CRPPA: variants seen among roughly 807,000 people sequenced by gnomAD.
CRPPA encodes CDP-L-ribitol pyrophosphorylase A, also known as D-ribitol-5-phosphate cytidylyltransferase.
A neutral mutation model predicts 52.0 loss-of-function variants in CRPPA; 43 were observed. The observed-to-expected ratio is 0.83, with a 90% confidence interval of 0.65 to 1.07. The LOEUF is 1.07. Ranked by LOEUF, CRPPA falls within the 50% of genes least tolerant of loss-of-function variation. The pLI, the probability that CRPPA is intolerant of heterozygous loss-of-function variation, is 0.00. For missense variants in CRPPA, 629 were observed against 551.7 expected (o/e 1.14, Z -1.40); for synonymous variants, 250 against 203.5 (o/e 1.23, Z -1.94).
chr7:16,124,418 T>C (rs1232867548), intron 9 of CRPPA, among the ~76,000 whole-genome samples: 3 of 152,178 alleles, frequency 2.0e-5, no homozygotes, highest in Non-Finnish European at 4.4e-5. Flanking sequence ...AGAATGAAAT[T>C]CTGTCACTTG....
chr7:16,295,157 G>A (rs1292631342), intron 5 of CRPPA, among the ~76,000 whole-genome samples: 9 of 151,846 alleles, frequency 5.9e-5, no homozygotes, highest in Non-Finnish European at 7.4e-5. Flanking sequence ...CTCTTCTATC[G>A]GTATAGTTTT....
In CRPPA at chr7:16,114,401, C is replaced by A. The variant is rs140424700; in HGVS notation, c.1252-22602G>T. On this transcript the variant is annotated intron_variant, in intron 9 of 9. Coordinates refer to ENST00000407010, the MANE Select transcript of CRPPA (RefSeq NM_001101426.4). The stretch of plus-strand genomic sequence containing the variant: ...AGAAAATAAGAGAAAACCAGCAAAT[C>A]TCAATAAGCAATTTCTCCTTCTCCT... Among the ~76,000 whole-genome samples the A allele has an allele frequency of 1.1e-4, 16 of 151,670 alleles. No individual in the cohort carries two copies. The East Asian group carries it at 3.1e-3, about 29-fold the overall frequency.
chr7:16,286,756 A>G (rs1362949105), intron 5 of CRPPA, among the ~76,000 whole-genome samples: 2 of 152,160 alleles, frequency 1.3e-5, no homozygotes, highest in African/African-American at 2.4e-5. Context: ...TCTAATACAT[A>G]AAAGTATCTC....
rs1200098872 is a variant in CRPPA, at chr7:16,088,696, GC to G, written c.*2998del. 6.5e-6 allele frequency: 1 copy of G among 154,408 alleles called. No homozygotes were observed. Among genetic ancestry groups the G allele is most frequent in the Admixed American group, 6.4e-5 (1 of 15,696 alleles). The allele number at this position is 154,408 out of a possible 1,614,324, so 9.6% of individuals were successfully genotyped here. Reference sequence around the variant, plus strand: ...GCCTCCCAAAGTGCTGGGATTTCAGGCGTGAGCCATCGCGCCCGGCCAGATC... The same window carrying G: ...GCCTCCCAAAGTGCTGGGATTTCAGGGTGAGCCATCGCGCCCGGCCAGATC... On this transcript the variant is annotated 3_prime_UTR_variant, in exon 10 of 10. Coordinates refer to ENST00000407010, the MANE Select transcript of CRPPA (RefSeq NM_001101426.4).
At chr7:16,308,660 C>A in intron 3 of CRPPA, 33 bp from the exon 4 acceptor site, 1 of 1,269,786 alleles carries the variant, frequency 7.9e-7, no homozygotes, top group Non-Finnish European at 1.1e-6. Context: ...AACAATTAAG[C>A]TAAAATGCGA....
intron 8 of CRPPA, among the ~76,000 whole-genome samples, chr7:16,250,852 T>A (rs1783429405): frequency 6.6e-6 from 1 of 152,218 alleles, no homozygotes; most frequent in East Asian, 1.9e-4. Flanking sequence ...ATCATAACGA[T>A]AGGATCAAAT....
chr7:16,107,881 T>C (rs1444156499), intron 9 of CRPPA, among the ~76,000 whole-genome samples: 1 of 152,004 alleles, frequency 6.6e-6, no homozygotes, highest in African/African-American at 2.4e-5. Context: ...AGAGGATAAG[T>C]ACAAAGTAGA....
intron 8 of CRPPA, among the ~76,000 whole-genome samples, chr7:16,231,799 A>G (rs1266677362): frequency 2.0e-5 from 3 of 152,230 alleles, no homozygotes; most frequent in Non-Finnish European, 4.4e-5. Context: ...TTTAAAAAGC[A>G]AACTATATAA....
At chr7:16,141,817 T>C (rs1782878182) in intron 9 of CRPPA, among the ~76,000 whole-genome samples, 1 of 152,142 alleles carries the variant, frequency 6.6e-6, no homozygotes, top group Non-Finnish European at 1.5e-5. Context: ...AAAGAGAAGT[T>C]TATTTTCAGA....
chr7:16,249,153 G>A (rs938679215), intron 8 of CRPPA, among the ~76,000 whole-genome samples: 3 of 152,092 alleles, frequency 2.0e-5, no homozygotes, highest in Admixed American at 6.5e-5. Flanking sequence ...GAGGCTGACC[G>A]CCTCTCTAGA....
In CRPPA at chr7:16,165,632, C is replaced by G. The variant is rs553147103; in HGVS notation, c.1251+50434G>C. 3.3e-5 allele frequency among the ~76,000 whole-genome samples: 5 copies of G among 152,332 alleles called. No homozygotes were observed. The South Asian group carries it at 1.0e-3, about 32-fold the overall frequency. On this transcript the variant is annotated intron_variant, in intron 9 of 9. Transcript: ENST00000407010. Reference sequence around the variant, plus strand: ...TTCATTGTCAGATGGAACCCACATGCAAATGCAAATTCAAAAACAGCCTTT... The same window carrying G: ...TTCATTGTCAGATGGAACCCACATGGAAATGCAAATTCAAAAACAGCCTTT...
intron 8 of CRPPA, among the ~76,000 whole-genome samples, chr7:16,236,888 A>T (rs1782966137): frequency 6.6e-6 from 1 of 152,106 alleles, no homozygotes; most frequent in African/African-American, 2.4e-5. Flanking sequence ...TTCAATATTA[A>T]GAAAGTCACA....
At chr7:16,207,827 GTAAA>G (rs1469396823) in intron 9 of CRPPA, among the ~76,000 whole-genome samples, 1 of 152,166 alleles carries the variant, frequency 6.6e-6, no homozygotes, top group Non-Finnish European at 1.5e-5. Flanking sequence ...GTTTTACTGA[GTAAA>G]TAGTTATAGG....
intron 3 of CRPPA, among the ~76,000 whole-genome samples, chr7:16,374,552 A>G (rs770350650): frequency 6.6e-6 from 1 of 152,078 alleles, no homozygotes; most frequent in Non-Finnish European, 1.5e-5. Context: ...TCAGCTCCCA[A>G]ATGGTCAACA....
intron 9 of CRPPA, among the ~76,000 whole-genome samples, chr7:16,201,935 C>A (rs958489623): frequency 6.6e-6 from 1 of 152,142 alleles, no homozygotes; most frequent in African/African-American, 2.4e-5. Context: ...GTGATTATGG[C>A]CATTCTTTTC....
rs577329422 is a variant in CRPPA, at chr7:16,193,759, C to T, written c.1251+22307G>A. Among the ~76,000 whole-genome samples, 5 of 152,170 alleles carry T rather than the reference C, an allele frequency of 3.3e-5. No homozygotes were observed. In the South Asian group the frequency reaches 1.0e-3, roughly 32 times the overall value. ...GTCTTTACAAATCAAAGAGACAGCA[C>T]TGCTTTTGCTGAAGCGGGACAAAAA... On this transcript the variant is annotated intron_variant, in intron 9 of 9. Coordinates refer to ENST00000407010, the MANE Select transcript of CRPPA (RefSeq NM_001101426.4).
chr7:16,182,360 G>A (rs1422393718), intron 9 of CRPPA, among the ~76,000 whole-genome samples: 1 of 152,032 alleles, frequency 6.6e-6, no homozygotes, highest in East Asian at 1.9e-4. Flanking sequence ...ATAAGCCACA[G>A]TAAAATTCCT....
At chr7:16,338,282 G>C (rs988648861) in intron 3 of CRPPA, among the ~76,000 whole-genome samples, 1 of 152,020 alleles carries the variant, frequency 6.6e-6, no homozygotes, top group Non-Finnish European at 1.5e-5. Context: ...ACAAAATGAA[G>C]GATAAAAGTC....
chr7:16,293,056 T>C (rs1280596609), intron 5 of CRPPA, among the ~76,000 whole-genome samples: 1 of 151,946 alleles, frequency 6.6e-6, no homozygotes, highest in Non-Finnish European at 1.5e-5. Flanking sequence ...AATATGCATA[T>C]GCCTGTATCA....
Sources: gnomAD v4.1 joint callset for allele counts (sites outside exome capture counted in the v4.1 genomes callset) on GRCh38, gnomAD v4.1.1 for gene constraint, MANE v1.5 for transcripts, NCBI Gene and HGNC (gene_info 2026-07-23, HGNC 2026-07-21) for gene names.